Variants in NFRKB observed in about 807,000 individuals in gnomAD.
NFRKB encodes nuclear factor related to kappa-B-binding protein.
In NFRKB, 62 loss-of-function variants were observed where a neutral mutation model predicts 135.7. The ratio of observed to expected loss-of-function variants is 0.46; its 90% CI spans 0.37 to 0.56. The LOEUF (loss-of-function observed/expected upper bound fraction) is 0.56, where lower values mean the gene tolerates loss of function less well. Among genes scored for constraint, NFRKB ranks in the 20% least tolerant of loss-of-function variants. The probability of loss-of-function intolerance (pLI) is 0.00; values close to 1 mark genes in which losing one functional copy is unlikely to be tolerated. For synonymous variants in NFRKB, 678 were observed against 635.6 expected, an observed-to-expected ratio of 1.07 and a Z score of -1.00; for missense variants, 1,545 against 1,662.0, an observed-to-expected ratio of 0.93 and a Z score of 1.22.
intron 24 of NFRKB, among the ~76,000 whole-genome samples, chr11:129,867,296 T>TC (rs1948242439): frequency 6.6e-6 from 1 of 151,914 alleles, no homozygotes; most frequent in African/African-American, 2.4e-5. Context: ...TATTTCAACT[T>TC]CTATGATGCA....
At chr11:129,880,126 G>A (rs1948960692) in intron 13 of NFRKB, among the ~76,000 whole-genome samples, 1 of 152,120 alleles carries the variant, frequency 6.6e-6, no homozygotes, top group East Asian at 1.9e-4. Flanking sequence ...GGAGGCAGAT[G>A]TTGCAGTGAG....
At chr11:129,885,105 GA>G (rs1449983132) in intron 6 of NFRKB, among the ~76,000 whole-genome samples, 1 of 152,200 alleles carries the variant, frequency 6.6e-6, no homozygotes, top group African/African-American at 2.4e-5. Flanking sequence ...CCTGTAAGGG[GA>G]AAACAGTTCT....
At chr11:129,885,371 A>C (rs1591523003) in intron 6 of NFRKB, 64 bp downstream of exon 6, 2 of 1,528,812 alleles carry the variant, frequency 1.3e-6, no homozygotes. Flanking sequence ...CACTGGCTCC[A>C]ACCGGACAAG....
At chr11:129,890,750 G>C (rs950304736) in intron 3 of NFRKB, among the ~76,000 whole-genome samples, 3 of 152,214 alleles carry the variant, frequency 2.0e-5, no homozygotes, top group South Asian at 4.1e-4. Context: ...TGACAATGAC[G>C]CATCTTGCCT....
intron 25 of NFRKB, 30 bp downstream of exon 25, chr11:129,865,847 T>A (rs371693439): frequency 6.2e-7 from 1 of 1,606,680 alleles, no homozygotes; most frequent in Non-Finnish European, 8.5e-7. Context: ...CACCCCCGAA[T>A]TGGTTCCTTT....
At position 129,874,475 on chromosome 11, in the gene NFRKB, G is replaced by A. The variant is rs1225495021; in HGVS notation, c.2058+26C>T. 1 of 1,607,558 alleles carries A rather than the reference G, an allele frequency of 6.2e-7. No individual in the cohort carries two copies. Among genetic ancestry groups the A allele is most frequent in the African/African-American group, 1.3e-5 (1 of 74,502 alleles). On this transcript the variant is annotated intron_variant, in intron 20 of 26. Coordinates refer to ENST00000682444, the MANE Select transcript of NFRKB (RefSeq NM_001143835.2). The surrounding 1 kb of genome is among the most constrained non-coding windows in gnomAD (Gnocchi z 4.5). ...TTGCCTCCATCCCAGAATCCCTAGG[G>A]CAGACACTCTCCTGAAGTCACTTAC...
chr11:129,875,492 C>A (rs1452721609), intron 17 of NFRKB, 29 bp from the exon 18 acceptor site: 3 of 1,547,870 alleles, frequency 1.9e-6, no homozygotes, highest in Admixed American at 1.9e-5. Flanking sequence ...ACACAGTCCA[C>A]AAGTCAGGCA....
At chr11:129,875,566 G>T in intron 17 of NFRKB, 103 bp from the exon 18 acceptor site, 2 of 804,514 alleles carry the variant, frequency 2.5e-6, no homozygotes, top group Non-Finnish European at 3.9e-6. Flanking sequence ...TGGGGTTCCT[G>T]CTCCTCTACC....
At chr11:129,883,315 C>T (rs187980946) in intron 8 of NFRKB, 109 bp from the exon 9 acceptor site, 450 of 750,536 alleles carry the variant, frequency 6.0e-4, no homozygotes, top group Non-Finnish European at 9.2e-4. Flanking sequence ...TTGGGGAAAT[C>T]ACATTGAGTC....
In NFRKB at chr11:129,881,413, C is replaced by T. The variant is rs774713106; in HGVS notation, c.1384+30G>A. On this transcript the variant is annotated intron_variant, in intron 13 of 26. Coordinates refer to ENST00000682444, the MANE Select transcript of NFRKB (RefSeq NM_001143835.2). ...GGGGAAGAAATGGGAGAACGAAAAC[C>T]TGTTGGGGTAGGTAATACGGATCAC... 3.7e-6 allele frequency: 6 copies of T among 1,609,692 alleles called. No homozygotes were observed. The African/African-American group carries it at 6.7e-5, about 18-fold the overall frequency.
chr11:129,869,525 A>T lies in NFRKB; in HGVS notation c.3500T>A (p.Val1167Asp). 2 of 1,612,844 alleles carry T rather than the reference A, an allele frequency of 1.2e-6. No individual in the cohort carries two copies. The highest frequency in any genetic ancestry group is 1.7e-6 in the Non-Finnish European group (2 of 1,179,946). ...GGACGTGGACACAACCGTGGTGCTG[A>T]CAGGGACCTGCCGCACGGTGGGGGC... ...TGAPTVRQVP[V>D]STTVVSTSQA... The change falls in exon 24 of 27, where the codon GTC becomes GAC. Residue 1167 changes from valine to aspartate, a missense_variant. Around this residue, in one of 3 missense-constraint regions of NFRKB, gnomAD observed 753 missense variants for 804.3 expected, o/e 0.94. Coordinates refer to ENST00000682444, the MANE Select transcript of NFRKB (RefSeq NM_001143835.2).
In NFRKB at chr11:129,890,811, T is replaced by C. The variant is rs146220095; in HGVS notation, c.135+1904A>G. ...CATCCCATCCCAGGGCACGTACCAT[T>C]ATTGAGTAGAGGGTTACCTTATGGA... On this transcript the variant is annotated intron_variant, in intron 3 of 26. Transcript: ENST00000682444. Among the ~76,000 whole-genome samples the C allele has an allele frequency of 5.2e-3, 786 of 152,310 alleles. 8 individuals carry two copies. Among genetic ancestry groups the C allele is most frequent in the Non-Finnish European group, 8.5e-3 (580 of 68,016 alleles).
In NFRKB at chr11:129,881,478, T is replaced by C. The variant is rs1807455362; in HGVS notation, c.1349A>G (p.Glu450Gly). ...CCACTGCTGGGTTTTCTCTTTGAAT[T>C]CAACAAATGGAGAGAAACTGGAAGG... ...AVPSSFSPFV[E>G]FKEKTQQWKL... The change falls in exon 13 of 27, where the codon GAA becomes GGA. Residue 450 changes from glutamate (E) to glycine (G), a missense_variant. Coordinates refer to ENST00000682444, the MANE Select transcript of NFRKB (RefSeq NM_001143835.2). 1 of 1,614,148 alleles carries C rather than the reference T, an allele frequency of 6.2e-7. No homozygotes were observed. Among genetic ancestry groups the C allele is most frequent in the Non-Finnish European group, 8.5e-7 (1 of 1,180,028 alleles).
chr11:129,882,293 A>G (rs1032785572), intron 10 of NFRKB, 99 bp from the exon 11 acceptor site: 41 of 1,338,164 alleles, frequency 3.1e-5, no homozygotes, highest in Non-Finnish European at 4.2e-5. Flanking sequence ...AAAGAGTTCA[A>G]GAAAGGAGCA....
chr11:129,881,835 C>G lies in NFRKB; in HGVS notation c.1210G>C (p.Asp404His). Residue 404 changes from aspartate to histidine, a missense_variant, in exon 12 of 27, where the codon GAT (aspartate) becomes CAT (histidine). Transcript: ENST00000682444. ...SLPMLEERVL[D>H]WQSSPASSLN... ...GAGCTGGCTGGCGATGACTGCCAATCCAAAACTCGCTCCTCTAGCTGAGGG... is the reference window on the plus strand; with the variant it reads ...GAGCTGGCTGGCGATGACTGCCAATGCAAAACTCGCTCCTCTAGCTGAGGG... The G allele has an allele frequency of 1.2e-6, 2 of 1,608,694 alleles. No homozygotes were observed. Among genetic ancestry groups the G allele is most frequent in the Non-Finnish European group, 1.7e-6 (2 of 1,177,814 alleles).
rs1164600742 is a variant in NFRKB at position 129,864,204 on chromosome 11, G to A, written c.*521C>T. 6.6e-6 allele frequency: 1 copy of A among 152,600 alleles called. No homozygotes were observed. The highest frequency in any genetic ancestry group is 2.4e-5 in the African/African-American group (1 of 41,446). 9.5% of individuals were successfully genotyped at this position (152,600 alleles called of 1,614,324 possible). A position where few individuals can be genotyped will look rare whatever the true frequency, so the allele number is the denominator to read the frequency against. ...TTTCTCATTCTAGTCAAAAAAGTAA[G>A]TCATCGGTTTAGTGGAGGGGGCAGC... On this transcript the variant is annotated 3_prime_UTR_variant, in exon 27 of 27. Coordinates refer to ENST00000682444, the MANE Select transcript of NFRKB (RefSeq NM_001143835.2).
chr11:129,891,102 T>C (rs1336147467), intron 3 of NFRKB, among the ~76,000 whole-genome samples: 1 of 152,170 alleles, frequency 6.6e-6, no homozygotes, highest in Non-Finnish European at 1.5e-5. Flanking sequence ...GAAAAGGTAG[T>C]GGTGACCAGA....
rs373932545 is a variant in NFRKB, at chr11:129,869,695, G to A, written c.3330C>T (p.His1110=). The change falls in exon 24 of 27, where the codon CAC becomes CAT. Residue 1110 remains histidine (H), a synonymous_variant. Coordinates refer to ENST00000682444, the MANE Select transcript of NFRKB (RefSeq NM_001143835.2). The part of the protein sequence containing the change: ...KAGQTITVAT[H]AKQGASVASG... ...TGGCCACCGAGGCCCCTTGCTTGGC[G>A]TGGGTTGCAACGGTGATGGTCTGGC... The A allele has an allele frequency of 2.0e-5, 32 of 1,614,104 alleles. No homozygotes were observed. The highest frequency in any genetic ancestry group is 1.2e-4 in the Admixed American group (7 of 60,012).
chr11:129,882,525 C>T lies in NFRKB; in HGVS notation c.1008G>A (p.Pro336=), dbSNP rs570459801. ...IKSEAEDLAE[P]LSSTEGVAPL... ...GTGCGACCCCTTCAGTACTGCTTAG[C>T]GGCTCGGCCAGGTCCTCTGCCTCTG... is the stretch of plus-strand genomic sequence containing the variant. Residue 336 remains proline (P), a synonymous_variant, in exon 10 of 27, where the codon CCG becomes CCA. Coordinates refer to ENST00000682444, the MANE Select transcript of NFRKB (RefSeq NM_001143835.2). 4.3e-5 allele frequency: 70 copies of T among 1,614,066 alleles called. No individual in the cohort carries two copies. Among genetic ancestry groups the T allele is most frequent in the South Asian group, 3.6e-4 (33 of 91,074 alleles).
Sources: allele counts gnomAD v4.1 joint callset (sites outside exome capture counted in the v4.1 genomes callset), GRCh38; gene constraint gnomAD v4.1.1; regional missense constraint gnomAD v4.1.1; non-coding constraint Gnocchi (gnomAD v3.1); transcripts MANE v1.5; gene names NCBI Gene and HGNC (gene_info 2026-07-23, HGNC 2026-07-21).